ARHGEF7: variants seen among roughly 807,000 people sequenced by gnomAD.
ARHGEF7 encodes PAK-interacting exchange factor beta.
Under a neutral mutation model 109.8 loss-of-function variants are expected in ARHGEF7, and 33 were observed. That is an observed-to-expected ratio of 0.30 (90% confidence interval 0.23 to 0.40). The LOEUF is 0.40. Ranked by LOEUF, ARHGEF7 falls within the 10% of genes least tolerant of loss-of-function variation. ARHGEF7 has a pLI of 1.00. For missense variants in ARHGEF7, 938 were observed against 1,098.5 expected (o/e 0.85, Z 2.07); for synonymous variants, 458 against 424.6 (o/e 1.08, Z -0.97).
At chr13:111,182,261 C>G (rs190846912) in intron 2 of ARHGEF7, 1 of 152,494 alleles carries the variant, frequency 6.6e-6, no homozygotes, top group Admixed American at 6.5e-5. Flanking sequence ...TTCTGAGACT[C>G]TTTTCCTCTG....
At chr13:111,198,608 C>T (rs529764282) in intron 2 of ARHGEF7, among the ~76,000 whole-genome samples, 8 of 152,186 alleles carry the variant, frequency 5.3e-5, no homozygotes, top group South Asian at 2.1e-4. Context: ...CTGGTGGGTT[C>T]GTGGTCTTGC....
Position 111,115,510 on chromosome 13 carries a change from C to T in ARHGEF7, c.-17C>T. ...GAAGGCGCGCGCCCCTCCCCGCCTG[C>T]CTCCCGGGCCGCAGCGATGAATTCC... is the stretch of plus-strand genomic sequence containing the variant. On this transcript the variant is annotated 5_prime_UTR_variant, in exon 1 of 22. Coordinates refer to ENST00000646102, the MANE Select transcript of ARHGEF7 (RefSeq NM_001354046.2). 7.7e-7 allele frequency: 1 copy of T among 1,298,612 alleles called. No individual in the cohort carries two copies. Among genetic ancestry groups the T allele is most frequent in the Non-Finnish European group, 1.0e-6 (1 of 1,003,084 alleles). The allele number at this position is 1,298,612 out of a possible 1,614,324, so 80.4% of individuals were successfully genotyped here.
chr13:111,299,453 C>G (rs1460000886), intron 19 of ARHGEF7, among the ~76,000 whole-genome samples: 1 of 151,588 alleles, frequency 6.6e-6, no homozygotes, highest in Non-Finnish European at 1.5e-5. Flanking sequence ...CACCATTCTC[C>G]TGCCTCAGCC....
At chr13:111,157,113 A>G (rs192407808) in intron 2 of ARHGEF7, among the ~76,000 whole-genome samples, 2 of 152,310 alleles carry the variant, frequency 1.3e-5, no homozygotes, top group African/African-American at 2.4e-5. Context: ...ATTTTTATAA[A>G]TTGGTTTTAA....
intron 2 of ARHGEF7, among the ~76,000 whole-genome samples, chr13:111,193,305 C>T (rs2080118404): frequency 6.6e-6 from 1 of 152,202 alleles, no homozygotes; most frequent in Admixed American, 6.5e-5. Flanking sequence ...TACCAAGGGT[C>T]CTTCCGTAGG....
intron 21 of ARHGEF7, 143 bp downstream of exon 21, chr13:111,301,675 C>G: frequency 1.7e-6 from 1 of 603,070 alleles, no homozygotes; most frequent in Non-Finnish European, 2.8e-6. Context: ...GACAGATCAC[C>G]TGAGGTCAGG....
intron 2 of ARHGEF7, among the ~76,000 whole-genome samples, chr13:111,170,434 C>T (rs931394178): frequency 5.3e-5 from 8 of 152,214 alleles, no homozygotes; most frequent in Non-Finnish European, 8.8e-5. Flanking sequence ...CAAACGTGGA[C>T]GTCAGAATTG....
intron 15 of ARHGEF7, 50 bp downstream of exon 15, chr13:111,280,727 G>A (rs370646651): frequency 7.6e-6 from 11 of 1,438,580 alleles, no homozygotes; most frequent in African/African-American, 7.3e-5. Context: ...GTGGCATCCC[G>A]TGGCTGAGCT....
chr13:111,259,152 A>G (rs113245345), intron 8 of ARHGEF7, among the ~76,000 whole-genome samples: 5,623 of 152,272 alleles, frequency 0.037, 176 homozygotes, highest in Non-Finnish European at 0.06. Context: ...GGAGCCAAGG[A>G]GAACTCACCG....
chr13:111,132,110 C>T (rs948084626), intron 1 of ARHGEF7, among the ~76,000 whole-genome samples: 5 of 152,286 alleles, frequency 3.3e-5, no homozygotes, highest in African/African-American at 7.2e-5. Flanking sequence ...TGAGGGTCAG[C>T]GTGTTTTTCT....
intron 1 of ARHGEF7, among the ~76,000 whole-genome samples, chr13:111,123,892 C>T (rs1201779576): frequency 1.3e-5 from 2 of 151,770 alleles, no homozygotes; most frequent in African/African-American, 2.4e-5. Flanking sequence ...CCCCCTGCCC[C>T]TGCGGCTGCC....
intron 2 of ARHGEF7, among the ~76,000 whole-genome samples, chr13:111,178,923 G>A (rs1265808471): frequency 6.6e-6 from 1 of 152,158 alleles, no homozygotes; most frequent in Admixed American, 6.5e-5. Context: ...GCTACGGATG[G>A]TGAGCGGATG....
intron 1 of ARHGEF7, among the ~76,000 whole-genome samples, chr13:111,125,654 G>T (rs2067510627): frequency 6.6e-6 from 1 of 152,192 alleles, no homozygotes; most frequent in African/African-American, 2.4e-5. Context: ...TATGGCCAGT[G>T]ATGGCTTTTC....
chr13:111,270,883 C>A (rs2092086565), intron 9 of ARHGEF7, among the ~76,000 whole-genome samples: 1 of 152,154 alleles, frequency 6.6e-6, no homozygotes, highest in Admixed American at 6.5e-5. Context: ...TCACTCTATT[C>A]ATGCTTTAGG....
At chr13:111,122,362 G>T (rs933489775) in intron 1 of ARHGEF7, among the ~76,000 whole-genome samples, 2 of 152,244 alleles carry the variant, frequency 1.3e-5, no homozygotes, top group Non-Finnish European at 2.9e-5. Context: ...CTTTGGGGCC[G>T]CCCCGGTCCG....
In ARHGEF7 at chr13:111,228,515, A is replaced by G. The variant is rs2085533337; in HGVS notation, c.671-4690A>G. 6.6e-6 allele frequency among the ~76,000 whole-genome samples: 1 copy of G among 152,234 alleles called. No homozygotes were observed. Among genetic ancestry groups the G allele is most frequent in the Admixed American group, 6.5e-5 (1 of 15,288 alleles). On this transcript the variant is annotated intron_variant, in intron 5 of 21. Coordinates refer to ENST00000646102, the MANE Select transcript of ARHGEF7 (RefSeq NM_001354046.2). The surrounding 1 kb of genome is among the most constrained non-coding windows in gnomAD (Gnocchi z 4.6). ...ATGCTGAGGACTGCTAACACTGTTA[A>G]GAGTCTATACGTGGTCATTCTCTGT...
At chr13:111,183,253 A>G (rs1210496374) in intron 2 of ARHGEF7, among the ~76,000 whole-genome samples, 1 of 152,116 alleles carries the variant, frequency 6.6e-6, no homozygotes, top group Non-Finnish European at 1.5e-5. Flanking sequence ...TGAAATACAT[A>G]TGCAGTGGAC....
intron 8 of ARHGEF7, among the ~76,000 whole-genome samples, chr13:111,248,540 C>T (rs1011186028): frequency 1.2e-4 from 18 of 152,258 alleles, no homozygotes; most frequent in South Asian, 4.1e-4. Flanking sequence ...TGGATTTGCT[C>T]GTTGCTTTCT....
intron 6 of ARHGEF7, among the ~76,000 whole-genome samples, chr13:111,234,718 T>C (rs2086564565): frequency 2.0e-5 from 3 of 152,164 alleles, no homozygotes; most frequent in Non-Finnish European, 2.9e-5. Flanking sequence ...TTCTTTTGCT[T>C]CCCCTCTTTC....
Sources: gnomAD v4.1 joint callset for allele counts (sites outside exome capture counted in the v4.1 genomes callset) on GRCh38, gnomAD v4.1.1 for gene constraint, Gnocchi (gnomAD v3.1) non-coding constraint, MANE v1.5 for transcripts, NCBI Gene and HGNC (gene_info 2026-07-23, HGNC 2026-07-21) for gene names.